Variants in PAK1 observed in about 807,000 individuals in gnomAD.
PAK1 encodes the protein serine/threonine-protein kinase PAK 1.
In PAK1, 29 loss-of-function variants were observed where a neutral mutation model predicts 67.4. The observed-to-expected ratio is 0.43, with a 90% CI of 0.32 to 0.59. The LOEUF is 0.59. Ranked by LOEUF, PAK1 falls within the 20% of genes least tolerant of loss-of-function variation. PAK1 has a pLI of 0.07. For synonymous variants in PAK1, 223 were observed against 237.4 expected, an observed-to-expected ratio of 0.94 and a Z score of 0.56; for missense variants, 337 against 670.7, an observed-to-expected ratio of 0.50 and a Z score of 5.50.
chr11:77,470,996 T>G (rs144927766), intron 1 of PAK1, among the ~76,000 whole-genome samples: 2 of 152,242 alleles, frequency 1.3e-5, no homozygotes, highest in African/African-American at 4.8e-5. Context: ...TTCCTATTCA[T>G]TCTGAGAACG....
At chr11:77,344,380 A>G (rs915579707) in intron 9 of PAK1, among the ~76,000 whole-genome samples, 1 of 152,244 alleles carries the variant, frequency 6.6e-6, no homozygotes, top group East Asian at 1.9e-4. Flanking sequence ...TAGAGGCTTC[A>G]TAAAGGGGGA....
intron 1 of PAK1, among the ~76,000 whole-genome samples, chr11:77,429,073 AAAAAAAAAAAAAAAAAAAAAAC>A (rs1451653632): frequency 4.9e-5 from 6 of 123,408 alleles, no homozygotes; most frequent in African/African-American, 1.8e-4. Context: ...AAAAAAAAAA[AAAAAAAAAAAAAAAAAAAAAAC>A]ACACACACAC....
intron 8 of PAK1, among the ~76,000 whole-genome samples, chr11:77,350,429 C>T (rs931715393): frequency 1.3e-5 from 2 of 151,992 alleles, no homozygotes; most frequent in Admixed American, 1.3e-4. Flanking sequence ...AGAAATAATG[C>T]TAGGAAAGTA....
chr11:77,437,864 T>C (rs1165794293), intron 1 of PAK1, among the ~76,000 whole-genome samples: 1 of 152,202 alleles, frequency 6.6e-6, no homozygotes, highest in Non-Finnish European at 1.5e-5. Context: ...AGACTTAGAA[T>C]GAGCAAGTAA....
At chr11:77,521,935 T>G in the PAK1 span, among the ~76,000 whole-genome samples, 8 of 152,198 alleles carry the variant, frequency 5.3e-5, no homozygotes, top group Non-Finnish European at 7.3e-5. Flanking sequence ...AGGCAAAAAC[T>G]TAAAAACACC....
chr11:77,464,008 A>G (rs1001980131), intron 1 of PAK1, among the ~76,000 whole-genome samples: 2 of 152,242 alleles, frequency 1.3e-5, no homozygotes, highest in South Asian at 2.1e-4. Context: ...CAATATATTC[A>G]AAATATTAAC....
the PAK1 span, among the ~76,000 whole-genome samples, chr11:77,514,658 G>A: frequency 6.6e-6 from 1 of 152,190 alleles, no homozygotes; most frequent in East Asian, 1.9e-4. Flanking sequence ...CTCACTAAGG[G>A]ACAAGTGGAG....
chr11:77,392,319 C>T lies in PAK1; in HGVS notation c.190+12G>A. On this transcript the variant is annotated intron_variant, in intron 2 of 14. Coordinates refer to ENST00000356341, the MANE Select transcript of PAK1 (RefSeq NM_002576.5). ...AGCATATAAATGATGAGAAGAAAAT[C>T]AAATACTATACTTTTATCTCCAGGT... The T allele has an allele frequency of 1.3e-6, 2 of 1,528,588 alleles. No homozygotes were observed. The highest frequency in any genetic ancestry group is 8.9e-7 in the Non-Finnish European group (1 of 1,128,538). 94.7% of individuals were successfully genotyped at this position (1,528,588 alleles called of 1,614,324 possible). A position where few individuals can be genotyped will look rare whatever the true frequency, so the allele number is the denominator to read the frequency against.
intron 1 of PAK1, among the ~76,000 whole-genome samples, chr11:77,449,691 T>TAAAAA (rs35907304): frequency 5.3e-4 from 60 of 113,934 alleles, no homozygotes; most frequent in Admixed American, 2.3e-3. Context: ...ATCCTATAGG[T>TAAAAA]AAAAAAAAAA....
chr11:77,401,659 C>T (rs1952703484), intron 1 of PAK1, among the ~76,000 whole-genome samples: 1 of 152,140 alleles, frequency 6.6e-6, no homozygotes, highest in Non-Finnish European at 1.5e-5. Context: ...GTTTTCTCTG[C>T]CTAAAATGCC....
At chr11:77,403,998 T>C (rs1953083142) in intron 1 of PAK1, among the ~76,000 whole-genome samples, 2 of 152,160 alleles carry the variant, frequency 1.3e-5, no homozygotes, top group African/African-American at 2.4e-5. Context: ...CCACTTCCCT[T>C]GTTACTCTTG....
intron 1 of PAK1, among the ~76,000 whole-genome samples, chr11:77,399,104 T>C (rs1348845262): frequency 1.3e-5 from 2 of 152,202 alleles, no homozygotes; most frequent in Non-Finnish European, 2.9e-5. Context: ...CAGTTCAGCT[T>C]ACATATAAAA....
rs1591855148 is a variant in PAK1 at position 77,353,279 on chromosome 11, C to T, written c.836+257G>A. On this transcript the variant is annotated intron_variant, in intron 8 of 14. Transcript: ENST00000356341. ...TGTAATTTGGGAAGTTGGTTTTGTG[C>T]TAAGAAAAAAAACCGTTCTCTCACT... is the stretch of plus-strand genomic sequence containing the variant. The T allele has an allele frequency of 1.8e-5, 7 of 385,436 alleles. No individual in the cohort carries two copies. In the East Asian group the frequency reaches 2.9e-4, roughly 16 times the overall value. The allele number at this position is 385,436 out of a possible 1,614,324, so 23.9% of individuals were successfully genotyped here. A position where few individuals can be genotyped will look rare whatever the true frequency, so the allele number is the denominator to read the frequency against.
chr11:77,331,677 C>G (rs1181123429), intron 14 of PAK1, among the ~76,000 whole-genome samples: 1 of 151,892 alleles, frequency 6.6e-6, no homozygotes. Flanking sequence ...AGAGATATAC[C>G]TAATGCTAAA....
At chr11:77,350,525 GGTAA>G (rs1945094857) in intron 8 of PAK1, among the ~76,000 whole-genome samples, 2 of 152,100 alleles carry the variant, frequency 1.3e-5, no homozygotes, top group African/African-American at 2.4e-5. Flanking sequence ...TGTATTTGTA[GGTAA>G]GTAATTTGTA....
chr11:77,406,218 G>C (rs1953539902), intron 1 of PAK1, among the ~76,000 whole-genome samples: 1 of 152,024 alleles, frequency 6.6e-6, no homozygotes, highest in South Asian at 2.1e-4. Context: ...CCCAAGTTTT[G>C]ATCTCTAGAC....
chr11:77,433,702 A>C (rs139211598), intron 1 of PAK1, among the ~76,000 whole-genome samples: 4,878 of 152,188 alleles, frequency 0.032, 131 homozygotes, highest in African/African-American at 0.074. Flanking sequence ...TCGCTTGAAC[A>C]CGGGAGACAG....
chr11:77,328,894 A>AAT (rs1940725870), intron 14 of PAK1, among the ~76,000 whole-genome samples: 1 of 152,192 alleles, frequency 6.6e-6, no homozygotes, highest in African/African-American at 2.4e-5. Context: ...TAGCAAGACT[A>AAT]ATAAAGAAGA....
At chr11:77,347,705 A>G (rs1944639344) in intron 9 of PAK1, among the ~76,000 whole-genome samples, 1 of 152,218 alleles carries the variant, frequency 6.6e-6, no homozygotes, top group South Asian at 2.1e-4. Context: ...ACTTTCACAG[A>G]ATTCTTAGCA....
Sources: allele counts gnomAD v4.1 joint callset (sites outside exome capture counted in the v4.1 genomes callset), GRCh38; gene constraint gnomAD v4.1.1; transcripts MANE v1.5; gene names NCBI Gene and HGNC (gene_info 2026-07-23, HGNC 2026-07-21).